PDE4D: variants seen among roughly 807,000 people sequenced by gnomAD.
PDE4D encodes phosphodiesterase 4D, also known as 3',5'-cyclic-AMP phosphodiesterase 4D.
In PDE4D, 24 loss-of-function variants were observed where a neutral mutation model predicts 87.4. The observed-to-expected ratio is 0.27, with a 90% CI of 0.20 to 0.39. The LOEUF is 0.39. PDE4D is among the 10% of genes least tolerant of loss of function. The pLI, the probability that PDE4D is intolerant of heterozygous loss-of-function variation, is 1.00. For synonymous variants in PDE4D, 384 were observed against 383.2 expected (o/e 1.00, Z -0.02); for missense variants, 714 against 1,041.0 (o/e 0.69, Z 4.32).
At chr5:60,225,515 A>G (rs1486710282) in intron 1 of PDE4D, among the ~76,000 whole-genome samples, 1 of 151,962 alleles carries the variant, frequency 6.6e-6, no homozygotes. Flanking sequence ...TTATAAATGG[A>G]GCTTCTGTCT....
At chr5:59,330,368 C>T (rs1776496719) in intron 1 of PDE4D, among the ~76,000 whole-genome samples, 1 of 152,004 alleles carries the variant, frequency 6.6e-6, no homozygotes, top group East Asian at 1.9e-4. Context: ...TCGTTTGGAC[C>T]CCATCGCTAA....
At chr5:59,024,064 G>T (rs1755754097) in intron 6 of PDE4D, among the ~76,000 whole-genome samples, 1 of 150,532 alleles carries the variant, frequency 6.6e-6, no homozygotes, top group Non-Finnish European at 1.5e-5. Context: ...ACCACACCTG[G>T]CTAATTTTTG....
intron 2 of PDE4D, among the ~76,000 whole-genome samples, chr5:60,153,668 G>A (rs1333216861): frequency 6.6e-6 from 1 of 152,142 alleles, no homozygotes; most frequent in Admixed American, 6.5e-5. Context: ...GTGGTTGTGT[G>A]TATACTATTC....
chr5:59,852,189 A>C (rs1744774244), intron 1 of PDE4D, among the ~76,000 whole-genome samples: 1 of 151,988 alleles, frequency 6.6e-6, no homozygotes, highest in African/African-American at 2.4e-5. Flanking sequence ...AGTCTTCTTC[A>C]CTGGTAGCCA....
chr5:59,378,226 T>C (rs553009306), intron 1 of PDE4D, among the ~76,000 whole-genome samples: 2 of 152,226 alleles, frequency 1.3e-5, no homozygotes, highest in African/African-American at 2.4e-5. Context: ...TGGGAGCTAA[T>C]TGATGTGAAC....
At chr5:59,609,135 T>C (rs1828631850) in intron 1 of PDE4D, among the ~76,000 whole-genome samples, 1 of 152,144 alleles carries the variant, frequency 6.6e-6, no homozygotes, top group Non-Finnish European at 1.5e-5. Context: ...AGATCATATG[T>C]AGAGAGATAT....
chr5:58,990,566 A>G (rs1747671401), intron 9 of PDE4D, among the ~76,000 whole-genome samples: 1 of 152,200 alleles, frequency 6.6e-6, no homozygotes, highest in Non-Finnish European at 1.5e-5. Flanking sequence ...CAATTTGGCT[A>G]TATCACATCT....
chr5:59,211,663 C>T (rs1245532832), intron 2 of PDE4D, among the ~76,000 whole-genome samples: 3 of 151,758 alleles, frequency 2.0e-5, no homozygotes, highest in Non-Finnish European at 4.4e-5. Flanking sequence ...ATAACAATGT[C>T]CCTATCAAAA....
chr5:59,848,829 T>A (rs1466611679), intron 1 of PDE4D, among the ~76,000 whole-genome samples: 8 of 151,968 alleles, frequency 5.3e-5, no homozygotes, highest in African/African-American at 1.9e-4. Context: ...GGGCTGCAAG[T>A]TTTCAACCTC....
intron 3 of PDE4D, among the ~76,000 whole-genome samples, chr5:59,969,568 G>A (rs962913980): frequency 6.6e-6 from 1 of 152,086 alleles, no homozygotes; most frequent in Non-Finnish European, 1.5e-5. Flanking sequence ...TTCTTGACAT[G>A]GTTTGGCTGT....
intron 1 of PDE4D, among the ~76,000 whole-genome samples, chr5:59,718,564 T>A (rs180831488): frequency 6.6e-6 from 1 of 152,184 alleles, no homozygotes; most frequent in Admixed American, 6.5e-5. Context: ...AGTAATTTTA[T>A]CAGCACAATT....
chr5:60,471,638 G>A (rs1374670000), intron 1 of PDE4D, among the ~76,000 whole-genome samples: 1 of 152,108 alleles, frequency 6.6e-6, no homozygotes, highest in African/African-American at 2.4e-5. Context: ...CAATGTCAAG[G>A]CAAGACTCTC....
intron 1 of PDE4D, among the ~76,000 whole-genome samples, chr5:59,613,027 T>C (rs1367280276): frequency 6.6e-6 from 1 of 152,092 alleles, no homozygotes; most frequent in Non-Finnish European, 1.5e-5. Context: ...CCACCTAGAC[T>C]GGAGCAGCCT....
intron 1 of PDE4D, among the ~76,000 whole-genome samples, chr5:59,477,805 T>C (rs559663931): frequency 6.6e-6 from 1 of 152,146 alleles, no homozygotes; most frequent in East Asian, 1.9e-4. Flanking sequence ...ACCCTATCAG[T>C]GGTGGTTTGG....
At chr5:59,554,994 T>C (rs1309976887) in intron 1 of PDE4D, among the ~76,000 whole-genome samples, 3 of 152,168 alleles carry the variant, frequency 2.0e-5, no homozygotes, top group African/African-American at 7.2e-5. Flanking sequence ...AGCAGTCCCA[T>C]TCCTGGGTAT....
chr5:59,028,731 T>C (rs1756703266), intron 6 of PDE4D, among the ~76,000 whole-genome samples: 1 of 152,132 alleles, frequency 6.6e-6, no homozygotes, highest in African/African-American at 2.4e-5. Context: ...CATTTTCTCC[T>C]CTAGTGGAGA....
chr5:59,676,320 G>A (rs943617156), intron 1 of PDE4D, among the ~76,000 whole-genome samples: 1 of 152,156 alleles, frequency 6.6e-6, no homozygotes, highest in Admixed American at 6.5e-5. Context: ...ACCTTGGTAT[G>A]TCTAATATTT....
chr5:59,891,273 G>A (rs1398698505), intron 1 of PDE4D, among the ~76,000 whole-genome samples: 1 of 152,060 alleles, frequency 6.6e-6, no homozygotes, highest in Non-Finnish European at 1.5e-5. Flanking sequence ...CACTCTCTCA[G>A]GCATATTCTA....
intron 1 of PDE4D, among the ~76,000 whole-genome samples, chr5:59,853,211 G>A (rs539176380): frequency 1.3e-5 from 2 of 152,124 alleles, no homozygotes; most frequent in African/African-American, 4.8e-5. Context: ...ATTCTGGGAG[G>A]AGGAATTTAA....
Sources: allele counts gnomAD v4.1 joint callset (sites outside exome capture counted in the v4.1 genomes callset), GRCh38; gene constraint gnomAD v4.1.1; transcripts MANE v1.5; gene names NCBI Gene and HGNC (gene_info 2026-07-23, HGNC 2026-07-21).